Variants in CFAP96 observed in about 807,000 individuals in gnomAD.
The protein encoded by CFAP96 is cilia and flagella associated protein 96, also known as cilia-and flagella-associated protein 96.
the CFAP96 span, among the ~76,000 whole-genome samples, chr4:185,421,881 T>C: frequency 2.0e-5 from 3 of 152,214 alleles, no homozygotes; most frequent in Non-Finnish European, 4.4e-5. Flanking sequence ...GACCACACTC[T>C]TCTAAATTTC....
At chr4:185,434,745 A>G in the CFAP96 span, among the ~76,000 whole-genome samples, 1 of 151,788 alleles carries the variant, frequency 6.6e-6, no homozygotes, top group African/African-American at 2.4e-5. Context: ...TTATATATAT[A>G]TTTATTTTTG....
chr4:185,441,265 T>C, the CFAP96 span, among the ~76,000 whole-genome samples: 1 of 152,198 alleles, frequency 6.6e-6, no homozygotes, highest in Admixed American at 6.5e-5. Flanking sequence ...AGAATAAAAA[T>C]TAAAATGCTC....
chr4:185,429,271 G>A, the CFAP96 span: 1 of 513,028 alleles, frequency 1.9e-6, no homozygotes, highest in Non-Finnish European at 3.4e-6. Context: ...AATTAGAACT[G>A]GAAATTAGTA....
chr4:185,415,682 G>A, the CFAP96 span: 1 of 1,584,182 alleles, frequency 6.3e-7, no homozygotes. Context: ...TCATTCAAAT[G>A]TGGCAGTGGT....
the CFAP96 span, among the ~76,000 whole-genome samples, chr4:185,442,831 A>AAG: frequency 6.6e-6 from 1 of 152,138 alleles, no homozygotes; most frequent in Non-Finnish European, 1.5e-5. Flanking sequence ...CCCACTTTTT[A>AAG]CTTGTCATAA....
At chr4:185,422,337 CTAAGTG>C in the CFAP96 span, 1 of 643,736 alleles carries the variant, frequency 1.6e-6, no homozygotes, top group Non-Finnish European at 2.7e-6. Flanking sequence ...AACACAGTGT[CTAAGTG>C]TAAGTCCCAT....
At chr4:185,433,916 CA>C in the CFAP96 span, among the ~76,000 whole-genome samples, 4 of 150,742 alleles carry the variant, frequency 2.7e-5, no homozygotes, top group South Asian at 4.2e-4. Context: ...AACAACAAAA[CA>C]AAAAAAGACT....
chr4:185,418,585 A>G, the CFAP96 span: 1 of 1,612,682 alleles, frequency 6.2e-7, no homozygotes, highest in Non-Finnish European at 8.5e-7. Flanking sequence ...AAACATACTC[A>G]CTGAATAAAG....
At chr4:185,421,338 T>G in the CFAP96 span, among the ~76,000 whole-genome samples, 1 of 152,240 alleles carries the variant, frequency 6.6e-6, no homozygotes, top group Non-Finnish European at 1.5e-5. Context: ...AGTTTTGATG[T>G]CTGTCCCCTC....
chr4:185,425,724 A>G, the CFAP96 span: 1 of 1,283,694 alleles, frequency 7.8e-7, no homozygotes. Context: ...CGAACTGGAG[A>G]GCCGCCCTGC....
chr4:185,415,901 T>A, the CFAP96 span: 2 of 1,516,894 alleles, frequency 1.3e-6, no homozygotes, highest in East Asian at 2.3e-5. Flanking sequence ...CAACTTGTAG[T>A]GCATTAAACA....
At chr4:185,411,893 A>C in the CFAP96 span, among the ~76,000 whole-genome samples, 19 of 152,362 alleles carry the variant, frequency 1.2e-4, no homozygotes, top group Non-Finnish European at 2.2e-4. Flanking sequence ...CCATATTTAT[A>C]AAACTCAGAA....
chr4:185,440,518 T>A, the CFAP96 span: 2 of 1,458,870 alleles, frequency 1.4e-6, no homozygotes, highest in Non-Finnish European at 1.8e-6. Context: ...TGCTATGTAA[T>A]TTCAAACTCT....
the CFAP96 span, among the ~76,000 whole-genome samples, chr4:185,418,143 T>C: frequency 1.3e-5 from 2 of 152,186 alleles, no homozygotes; most frequent in South Asian, 4.1e-4. Context: ...ATGTGTCACT[T>C]TGTCATGATT....
chr4:185,445,760 T>C, the CFAP96 span, among the ~76,000 whole-genome samples: 1 of 152,218 alleles, frequency 6.6e-6, no homozygotes, highest in African/African-American at 2.4e-5. Context: ...AGTACATCTT[T>C]AACACTTGGG....
the CFAP96 span, among the ~76,000 whole-genome samples, chr4:185,431,034 AC>A: frequency 6.6e-6 from 1 of 151,850 alleles, no homozygotes; most frequent in Admixed American, 6.6e-5. Context: ...ATATGGTGAA[AC>A]CCCGTCTCTA....
the CFAP96 span, chr4:185,432,025 T>C: frequency 6.4e-7 from 1 of 1,551,690 alleles, no homozygotes; most frequent in East Asian, 2.4e-5. Context: ...AGATGCTACC[T>C]GGAGGGTCCA....
At chr4:185,415,784 T>C in the CFAP96 span, 1 of 1,613,846 alleles carries the variant, frequency 6.2e-7, no homozygotes, top group Non-Finnish European at 8.5e-7. Flanking sequence ...AATGGTGTCC[T>C]CCGCTTTCCC....
the CFAP96 span, among the ~76,000 whole-genome samples, chr4:185,441,183 G>C: frequency 6.6e-6 from 1 of 151,994 alleles, no homozygotes; most frequent in African/African-American, 2.4e-5. Flanking sequence ...ACCATAAAAA[G>C]CCAAACCATC....
Sources: allele counts gnomAD v4.1 joint callset (sites outside exome capture counted in the v4.1 genomes callset), GRCh38; gene constraint gnomAD v4.1.1; transcripts MANE v1.5; gene names NCBI Gene and HGNC (gene_info 2026-07-23, HGNC 2026-07-21).